Variants in GRM7 observed in about 807,000 individuals in gnomAD.
GRM7 encodes metabotropic glutamate receptor 7.
GRM7 carries 35 observed loss-of-function variants against 84.5 expected under a neutral mutation model. That is an observed-to-expected ratio of 0.41 (90% CI 0.32 to 0.55). GRM7 has a LOEUF of 0.55. Ranked by LOEUF, GRM7 falls within the 20% of genes least tolerant of loss-of-function variation. The probability of loss-of-function intolerance (pLI) is 0.19; values close to 1 mark genes in which losing one functional copy is unlikely to be tolerated. For missense variants in GRM7, 1,003 were observed against 1,194.6 expected (o/e 0.84, Z 2.36); for synonymous variants, 487 against 455.1 (o/e 1.07, Z -0.89).
chr3:7,160,860 T>A (rs185224794), intron 2 of GRM7, among the ~76,000 whole-genome samples: 17 of 152,258 alleles, frequency 1.1e-4, no homozygotes, highest in Admixed American at 5.2e-4. Flanking sequence ...ATCCGTATCC[T>A]GTTTGATTGC....
intron 2 of GRM7, among the ~76,000 whole-genome samples, chr3:7,289,877 A>T (rs1201677026): frequency 2.0e-5 from 3 of 150,714 alleles, no homozygotes; most frequent in African/African-American, 7.3e-5. Context: ...GGGAGGGGAG[A>T]GGGATAGCAT....
intron 1 of GRM7, among the ~76,000 whole-genome samples, chr3:7,100,768 C>G (rs548594275): frequency 1.3e-5 from 2 of 151,908 alleles, no homozygotes; most frequent in Non-Finnish European, 2.9e-5. Flanking sequence ...CACAAAAAAC[C>G]TTTCCTGTGT....
chr3:7,580,890 GA>G (rs3838618), intron 8 of GRM7, among the ~76,000 whole-genome samples: 34,467 of 148,980 alleles, frequency 0.23, 4,775 homozygotes, highest in Non-Finnish European at 0.29. Flanking sequence ...ATAGAGAGAA[GA>G]AAAAAAAAAT....
intron 8 of GRM7, among the ~76,000 whole-genome samples, chr3:7,660,717 A>G (rs189944758): frequency 1.3e-5 from 2 of 152,198 alleles, no homozygotes; most frequent in Non-Finnish European, 2.9e-5. Flanking sequence ...GAAGGCTAAT[A>G]TAATCTGATT....
intron 2 of GRM7, among the ~76,000 whole-genome samples, chr3:7,290,800 C>G (rs1213774976): frequency 6.6e-6 from 1 of 152,082 alleles, no homozygotes; most frequent in African/African-American, 2.4e-5. Flanking sequence ...TTCATCTGTC[C>G]TTGCTTCCTA....
intron 5 of GRM7, among the ~76,000 whole-genome samples, chr3:7,448,251 T>C (rs1482066739): frequency 6.6e-6 from 1 of 151,708 alleles, no homozygotes; most frequent in Admixed American, 6.6e-5. Flanking sequence ...TTATAGTCCT[T>C]TGGGTATATA....
At chr3:7,711,080 C>T (rs1701560819) in intron 9 of GRM7, among the ~76,000 whole-genome samples, 1 of 152,146 alleles carries the variant, frequency 6.6e-6, no homozygotes, top group African/African-American at 2.4e-5. Flanking sequence ...GGCAAGTTGT[C>T]CCTAAGTATT....
intron 3 of GRM7, among the ~76,000 whole-genome samples, chr3:7,302,062 TA>T (rs1456494456): frequency 2.6e-5 from 4 of 152,152 alleles, no homozygotes; most frequent in African/African-American, 9.6e-5. Flanking sequence ...ATGCTCATTG[TA>T]AATCCACTGG....
chr3:7,596,932 G>A (rs1696073299), intron 8 of GRM7, among the ~76,000 whole-genome samples: 1 of 152,124 alleles, frequency 6.6e-6, no homozygotes, highest in Admixed American at 6.6e-5. Context: ...TCCAAGAAGA[G>A]GAAACTTAAA....
At chr3:7,230,691 G>A (rs930474509) in intron 2 of GRM7, among the ~76,000 whole-genome samples, 1 of 152,188 alleles carries the variant, frequency 6.6e-6, no homozygotes, top group Non-Finnish European at 1.5e-5. Flanking sequence ...GTATAAGAAT[G>A]AGTTTTCTTG....
At chr3:7,269,452 C>A (rs550437393) in intron 2 of GRM7, among the ~76,000 whole-genome samples, 108 of 152,262 alleles carry the variant, frequency 7.1e-4, no homozygotes, top group Non-Finnish European at 5.4e-4. Flanking sequence ...GAACCCCCCC[C>A]CCAGAGAGCA....
At chr3:6,988,980 T>C (rs1694531979) in intron 1 of GRM7, among the ~76,000 whole-genome samples, 1 of 152,214 alleles carries the variant, frequency 6.6e-6, no homozygotes, top group African/African-American at 2.4e-5. Flanking sequence ...CTATTTTCTA[T>C]CACTTTTAAA....
At chr3:7,295,705 G>A (rs537267900) in intron 2 of GRM7, among the ~76,000 whole-genome samples, 6 of 152,132 alleles carry the variant, frequency 3.9e-5, no homozygotes, top group African/African-American at 1.4e-4. Flanking sequence ...CTATTAAATG[G>A]CGTTGTGTTT....
chr3:7,460,693 T>C (rs1275089288), intron 6 of GRM7, among the ~76,000 whole-genome samples: 1 of 152,214 alleles, frequency 6.6e-6, no homozygotes, highest in African/African-American at 2.4e-5. Flanking sequence ...CTGAATGTTT[T>C]GTGATTCGTT....
chr3:7,186,911 A>G (rs2063881), intron 2 of GRM7, among the ~76,000 whole-genome samples: 44,418 of 152,010 alleles, frequency 0.29, 6,631 homozygotes, highest in Middle Eastern at 0.39. Context: ...TACGTTTCAT[A>G]TACATATGTC....
chr3:7,164,760 T>C (rs372580631), intron 2 of GRM7, among the ~76,000 whole-genome samples: 3 of 152,230 alleles, frequency 2.0e-5, no homozygotes, highest in Non-Finnish European at 2.9e-5. Context: ...ATTTAGTAAG[T>C]TGGCCACTTC....
chr3:7,275,330 G>A (rs189875061), intron 2 of GRM7, among the ~76,000 whole-genome samples: 1 of 152,202 alleles, frequency 6.6e-6, no homozygotes, highest in African/African-American at 2.4e-5. Context: ...CTGCTTTTCA[G>A]TTTGTCTTAT....
intron 1 of GRM7, among the ~76,000 whole-genome samples, chr3:6,999,771 C>T (rs1054157999): frequency 1.3e-5 from 2 of 152,114 alleles, no homozygotes; most frequent in African/African-American, 4.8e-5. Flanking sequence ...CATGAGAACT[C>T]ATTCACTATC....
At chr3:7,416,540 T>C (rs1325348050) in intron 5 of GRM7, among the ~76,000 whole-genome samples, 1 of 152,106 alleles carries the variant, frequency 6.6e-6, no homozygotes, top group East Asian at 1.9e-4. Context: ...AGGAACACCA[T>C]GAAGTCTTTG....
Sources: gnomAD v4.1 joint callset for allele counts (sites outside exome capture counted in the v4.1 genomes callset) on GRCh38, gnomAD v4.1.1 for gene constraint, MANE v1.5 for transcripts, NCBI Gene and HGNC (gene_info 2026-07-23, HGNC 2026-07-21) for gene names.